The following NSUN3 variants were observed in gnomAD, a reference collection of about 807,000 sequenced individuals.
The protein encoded by NSUN3 is NOP2/Sun RNA methyltransferase 3, also known as tRNA (cytosine(34)-C(5))-methyltransferase, mitochondrial.
Under a neutral mutation model 36.8 loss-of-function variants are expected in NSUN3, and 24 were observed. That is an observed-to-expected ratio of 0.65 (90% CI 0.47 to 0.92). NSUN3 has a LOEUF of 0.92. NSUN3 is among the 40% of genes least tolerant of loss of function. NSUN3 has a pLI of 0.00. For missense variants in NSUN3, 381 were observed against 392.8 expected (o/e 0.97, Z 0.25); for synonymous variants, 146 against 145.2 (o/e 1.01, Z -0.04).
chr3:94,104,116 T>C (rs1391172210), intron 5 of NSUN3, among the ~76,000 whole-genome samples: 1 of 152,144 alleles, frequency 6.6e-6, no homozygotes, highest in Non-Finnish European at 1.5e-5. Flanking sequence ...GGGCATGGCT[T>C]CCTAGAGATA....
chr3:94,066,033 T>C (rs1161119840), intron 2 of NSUN3, among the ~76,000 whole-genome samples: 9 of 151,450 alleles, frequency 5.9e-5, no homozygotes, highest in Non-Finnish European at 8.8e-5. Context: ...TGTTCTGTAC[T>C]GTCTCATATC....
chr3:94,088,951 G>A (rs1452834299), intron 3 of NSUN3, among the ~76,000 whole-genome samples: 1 of 152,164 alleles, frequency 6.6e-6, no homozygotes, highest in African/African-American at 2.4e-5. Flanking sequence ...TTACAGGCAT[G>A]AGCCCCCACG....
rs756460164 is a variant in NSUN3, at chr3:94,094,719, G to C, written c.622-314G>C. Among the ~76,000 whole-genome samples the C allele has an allele frequency of 6.6e-5, 10 of 152,114 alleles. 1 individual carries two copies. Among genetic ancestry groups the C allele is most frequent in the Admixed American group, 1.3e-4 (2 of 15,270 alleles). On this transcript the variant is annotated intron_variant, in intron 4 of 5. Transcript: ENST00000314622. ...AATATTATTAATGTCTGATTACAATGAGTAACTTTTGTAAAAATTTTTGCT... is the reference window on the plus strand; with the variant it reads ...AATATTATTAATGTCTGATTACAATCAGTAACTTTTGTAAAAATTTTTGCT...
At chr3:94,068,775 G>GA (rs1057173131) in intron 2 of NSUN3, among the ~76,000 whole-genome samples, 5 of 119,482 alleles carry the variant, frequency 4.2e-5, no homozygotes, top group Admixed American at 1.7e-4. Flanking sequence ...ATACAGAGAG[G>GA]AAAAAAAAAT....
At chr3:94,072,529 A>G (rs945588018) in intron 2 of NSUN3, among the ~76,000 whole-genome samples, 3 of 152,200 alleles carry the variant, frequency 2.0e-5, no homozygotes, top group Non-Finnish European at 4.4e-5. Context: ...GTAAGTGGAA[A>G]GACTTCGTTG....
chr3:94,108,624 G>A (rs577311653), intron 5 of NSUN3, among the ~76,000 whole-genome samples: 1 of 152,136 alleles, frequency 6.6e-6, no homozygotes, highest in Admixed American at 6.5e-5. Flanking sequence ...TTCCCAAAGT[G>A]CTGGGATTAC....
chr3:94,097,064 T>G (rs1045766664), intron 5 of NSUN3, among the ~76,000 whole-genome samples: 2 of 152,194 alleles, frequency 1.3e-5, no homozygotes, highest in Non-Finnish European at 2.9e-5. Context: ...CTCAATTAAT[T>G]ATATTTTATC....
At chr3:94,086,492 T>A (rs1576087205) in intron 3 of NSUN3, among the ~76,000 whole-genome samples, 1 of 152,210 alleles carries the variant, frequency 6.6e-6, no homozygotes. Flanking sequence ...AGAACATTGG[T>A]GTGTATCCCC....
At chr3:94,103,655 A>C (rs1288196475) in intron 5 of NSUN3, among the ~76,000 whole-genome samples, 1 of 152,148 alleles carries the variant, frequency 6.6e-6, no homozygotes, top group African/African-American at 2.4e-5. Context: ...TTTTCCACTT[A>C]GTTTATCATG....
At chr3:94,101,266 A>G (rs550390430) in intron 5 of NSUN3, among the ~76,000 whole-genome samples, 147 of 152,270 alleles carry the variant, frequency 9.7e-4, no homozygotes, top group African/African-American at 3.3e-3. Context: ...TGCTGAGACC[A>G]TAAGCACGAG....
chr3:94,116,840 G>T (rs1050409513), intron 5 of NSUN3, among the ~76,000 whole-genome samples: 1 of 151,992 alleles, frequency 6.6e-6, no homozygotes, highest in Admixed American at 6.6e-5. Flanking sequence ...CTACAGGAGG[G>T]TCTGGAACAA....
intron 3 of NSUN3, among the ~76,000 whole-genome samples, chr3:94,088,709 G>T (rs1311817413): frequency 2.1e-5 from 3 of 140,944 alleles, no homozygotes; most frequent in African/African-American, 8.0e-5. Flanking sequence ...GTCTCTCTCT[G>T]TCGCCTAGGC....
At position 94,110,737 on chromosome 3, in the gene NSUN3, C is replaced by T. The variant is rs562565132; in HGVS notation, c.744-15474C>T. ...AAAAGAGTGGAGATATACATGTATACACACACACACACACACACACACACA... is the reference window on the plus strand; with the variant it reads ...AAAAGAGTGGAGATATACATGTATATACACACACACACACACACACACACA... On this transcript the variant is annotated intron_variant, in intron 5 of 5. Coordinates refer to ENST00000314622, the MANE Select transcript of NSUN3 (RefSeq NM_022072.5). 7.9e-5 allele frequency among the ~76,000 whole-genome samples: 10 copies of T among 126,744 alleles called. No individual in the cohort carries two copies. In the East Asian group the frequency reaches 1.6e-3, roughly 20 times the overall value. The allele number at this position is 126,744 out of a possible 152,430, so 83.1% of individuals were successfully genotyped here. A position where few individuals can be genotyped will look rare whatever the true frequency, so the allele number is the denominator to read the frequency against.
rs2077255696 is a variant in NSUN3 at position 94,078,571 on chromosome 3, T to C, written c.123-5536T>C. On this transcript the variant is annotated intron_variant, in intron 2 of 5. Transcript: ENST00000314622. ...CTCCCACTATTATTGTGTGGGAGTC[T>C]AAGTCTCTTTGTAGGTCTCTAAGAA... 3.3e-5 allele frequency among the ~76,000 whole-genome samples: 5 copies of C among 152,314 alleles called. No individual in the cohort carries two copies. The South Asian group carries it at 1.0e-3, about 32-fold the overall frequency.
At chr3:94,126,081 A>T in intron 5 of NSUN3, 130 bp from the exon 6 acceptor site, 1 of 741,334 alleles carries the variant, frequency 1.3e-6, no homozygotes, top group Non-Finnish European at 2.1e-6. Context: ...AAAGACTAGA[A>T]AACATCCAAA....
rs138948352 is a variant in NSUN3, at chr3:94,107,890, A to G, written c.743+12736A>G. Reference sequence around the variant, plus strand: ...ACAGGCTATTTTACTTTCTGTAGGAATTTATTATTTACGACCCAGTTGGCA... The same window carrying G: ...ACAGGCTATTTTACTTTCTGTAGGAGTTTATTATTTACGACCCAGTTGGCA... On this transcript the variant is annotated intron_variant, in intron 5 of 5. Coordinates refer to ENST00000314622, the MANE Select transcript of NSUN3 (RefSeq NM_022072.5). 1.1e-3 allele frequency among the ~76,000 whole-genome samples: 165 copies of G among 151,672 alleles called. 1 individual carries two copies. In the East Asian group the frequency reaches 0.027, roughly 25 times the overall value.
intron 2 of NSUN3, among the ~76,000 whole-genome samples, chr3:94,069,836 A>G (rs2107235485): frequency 6.6e-6 from 1 of 152,324 alleles, no homozygotes; most frequent in South Asian, 2.1e-4. Flanking sequence ...AAATAAGTCA[A>G]GGCTCCCATA....
chr3:94,066,855 T>A (rs2077205995), intron 2 of NSUN3, among the ~76,000 whole-genome samples: 4 of 152,202 alleles, frequency 2.6e-5, no homozygotes, highest in Non-Finnish European at 5.9e-5. Context: ...TGTATCACCA[T>A]CAGTCTGGTT....
chr3:94,072,628 T>C (rs2077228588), intron 2 of NSUN3, among the ~76,000 whole-genome samples: 2 of 152,096 alleles, frequency 1.3e-5, no homozygotes, highest in Admixed American at 1.3e-4. Context: ...TGGAGATCAG[T>C]AAATTTTAAA....
Sources: gnomAD v4.1 joint callset for allele counts (sites outside exome capture counted in the v4.1 genomes callset) on GRCh38, gnomAD v4.1.1 for gene constraint, MANE v1.5 for transcripts, NCBI Gene and HGNC (gene_info 2026-07-23, HGNC 2026-07-21) for gene names.